C4orf33: variants seen among roughly 807,000 people sequenced by gnomAD.
The protein encoded by C4orf33 is chromosome 4 open reading frame 33.
Under a neutral mutation model 24.3 loss-of-function variants are expected in C4orf33, and 20 were observed. That is an observed-to-expected ratio of 0.82 (90% CI 0.58 to 1.19). C4orf33 has a LOEUF of 1.19. Among genes scored for constraint, C4orf33 ranks in the 50% most tolerant of loss-of-function variants. C4orf33 has a pLI of 0.00. For missense variants in C4orf33, 207 were observed against 225.9 expected, an observed-to-expected ratio of 0.92 and a Z score of 0.54; for synonymous variants, 67 against 76.4, an observed-to-expected ratio of 0.88 and a Z score of 0.64.
At chr4:129,099,370 G>A (rs1223256301) in intron 1 of C4orf33, among the ~76,000 whole-genome samples, 1 of 152,114 alleles carries the variant, frequency 6.6e-6, no homozygotes, top group Non-Finnish European at 1.5e-5. Context: ...AAACTAAATT[G>A]AAGGGAATTT....
chr4:129,106,661 G>GT lies in C4orf33; in HGVS notation c.242+20dup, dbSNP rs1390575083. On this transcript the variant is annotated intron_variant, in intron 3 of 5. Coordinates refer to ENST00000425929, the MANE Select transcript of C4orf33 (RefSeq NM_001099783.2). ...TGAACTTTGTCCGTAAGTATAAAAT[G>GT]TTTTTTCTTACTTATTACTACATAA... 1 of 1,366,436 alleles carries GT rather than the reference G, an allele frequency of 7.3e-7. No individual in the cohort carries two copies. The highest frequency in any genetic ancestry group is 2.0e-5 in the Admixed American group (1 of 51,144). The allele number at this position is 1,366,436 out of a possible 1,614,324, so 84.6% of individuals were successfully genotyped here.
chr4:129,097,408 C>T (rs1467364463), intron 1 of C4orf33, among the ~76,000 whole-genome samples: 2 of 152,242 alleles, frequency 1.3e-5, no homozygotes, highest in East Asian at 3.9e-4. Context: ...TAGTGTATGC[C>T]TCACAAGCAT....
In C4orf33 at chr4:129,109,477, A is replaced by C; in HGVS notation, c.299A>C (p.Glu100Ala). Reference sequence around the variant, plus strand: ...TTTCACATGTTGTTTCTGTAGCAAGAACTTCCTTTATCGTTCAGAATGTCC... The same window carrying C: ...TTTCACATGTTGTTTCTGTAGCAAGCACTTCCTTTATCGTTCAGAATGTCC... ...LSGRRNVWKQ[E>A]LPLSFRMSRG... The change falls in exon 5 of 6, where the codon GAA becomes GCA. Residue 100 changes from glutamate to alanine, a missense_variant. Transcript: ENST00000425929. 6.2e-7 allele frequency: 1 copy of C among 1,612,730 alleles called. No homozygotes were observed. Among genetic ancestry groups the C allele is most frequent in the African/African-American group, 1.3e-5 (1 of 75,034 alleles).
Position 129,102,758 on chromosome 4 carries a change from G to C in C4orf33, c.148G>C (p.Gly50Arg). 6.2e-7 allele frequency: 1 copy of C among 1,613,788 alleles called. No homozygotes were observed. Among genetic ancestry groups the C allele is most frequent in the Non-Finnish European group, 8.5e-7 (1 of 1,179,886 alleles). ...TCCTCCAGCCCCACTTGGAGAACCA[G>C]GAAAACCTTTCAATGAACTGTGGGA... ...RDPPAPLGEP[G>R]KPFNELWDYE... Residue 50 changes from glycine to arginine, a missense_variant, in exon 2 of 6, where the codon GGA (glycine) becomes CGA (arginine). Transcript: ENST00000425929.
chr4:129,095,320 C>T (rs1753167042), upstream of C4orf33, among the ~76,000 whole-genome samples: 1 of 152,152 alleles, frequency 6.6e-6, no homozygotes. Flanking sequence ...GTACTTACTT[C>T]ATGCTCCTTC....
chr4:129,116,083 T>C lies in C4orf33; in HGVS notation c.*4292T>C, dbSNP rs1753773397. 1 of 151,782 alleles carries C rather than the reference T, an allele frequency of 6.6e-6. No individual in the cohort carries two copies. Among genetic ancestry groups the C allele is most frequent in the Non-Finnish European group, 1.5e-5 (1 of 67,920 alleles). 9.4% of individuals were successfully genotyped at this position (151,782 alleles called of 1,614,324 possible). A position where few individuals can be genotyped will look rare whatever the true frequency, so the allele number is the denominator to read the frequency against. ...ACCTCTGAAGCTAAGATGACACATG[T>C]ATGAGGAATATAGGAAGCCAGAAAT... is the stretch of plus-strand genomic sequence containing the variant. On this transcript the variant is annotated 3_prime_UTR_variant, in exon 6 of 6. Coordinates refer to ENST00000425929, the MANE Select transcript of C4orf33 (RefSeq NM_001099783.2).
rs191980340 is a variant in C4orf33 at position 129,105,309 on chromosome 4, A to G, written c.182-1278A>G. On this transcript the variant is annotated intron_variant, in intron 2 of 5. Coordinates refer to ENST00000425929, the MANE Select transcript of C4orf33 (RefSeq NM_001099783.2). ...TATGAAGACCTTAAACTGATTGGAT[A>G]AGCCCCAGCCACATTATAGAGGGAA... 5.3e-5 allele frequency among the ~76,000 whole-genome samples: 8 copies of G among 152,298 alleles called. No homozygotes were observed. The East Asian group carries it at 1.5e-3, about 29-fold the overall frequency.
chr4:129,096,209 G>A lies in C4orf33; in HGVS notation c.-10G>A, dbSNP rs1375845498. On this transcript the variant is annotated splice_region_variant and 5_prime_UTR_variant, in exon 1 of 6. Coordinates refer to ENST00000425929, the MANE Select transcript of C4orf33 (RefSeq NM_001099783.2). ...AGCCAGTGTTTGAGAAAAGCTTCGT[G>A]GTCTGTGTTCTCTAGTTGTTCCCTC... 3 of 152,122 alleles carry A rather than the reference G, an allele frequency of 2.0e-5. No individual in the cohort carries two copies. The highest frequency in any genetic ancestry group is 4.8e-5 in the African/African-American group (2 of 41,420). The allele number at this position is 152,122 out of a possible 1,614,324, so 9.4% of individuals were successfully genotyped here.
At chr4:129,095,459 G>C (rs994630771), upstream of C4orf33, among the ~76,000 whole-genome samples, 41 of 152,158 alleles carry the variant, frequency 2.7e-4, no homozygotes, top group African/African-American at 9.7e-4. Flanking sequence ...GTATCTATTA[G>C]TATAAATTGA....
chr4:129,099,623 A>G (rs1427501378), intron 1 of C4orf33, among the ~76,000 whole-genome samples: 2 of 152,214 alleles, frequency 1.3e-5, no homozygotes, highest in African/African-American at 2.4e-5. Context: ...AAGAATAGAA[A>G]TAGAGCAGTG....
chr4:129,110,509 C>A (rs1192843980), intron 5 of C4orf33, among the ~76,000 whole-genome samples: 4 of 152,148 alleles, frequency 2.6e-5, no homozygotes, highest in African/African-American at 9.7e-5. Context: ...GCTGTGATTG[C>A]TGCTCTATAT....
chr4:129,101,542 C>T (rs916400511), intron 1 of C4orf33, among the ~76,000 whole-genome samples: 6 of 151,984 alleles, frequency 3.9e-5, no homozygotes, highest in Admixed American at 3.9e-4. Context: ...ATGTCTTCAT[C>T]TGGGAAAACA....
At chr4:129,111,240 C>T (rs1230189896) in intron 5 of C4orf33, among the ~76,000 whole-genome samples, 1 of 152,214 alleles carries the variant, frequency 6.6e-6, no homozygotes, top group African/African-American at 2.4e-5. Context: ...TACTCTTTTA[C>T]ATTAACCTCT....
At chr4:129,099,845 G>A (rs76153832) in intron 1 of C4orf33, among the ~76,000 whole-genome samples, 2,487 of 151,926 alleles carry the variant, frequency 0.016, 41 homozygotes, top group Middle Eastern at 0.031. Flanking sequence ...TGGGCAGGAC[G>A]GACTATACTT....
upstream of C4orf33, among the ~76,000 whole-genome samples, chr4:129,095,635 A>T (rs749465056): frequency 2.6e-5 from 4 of 152,220 alleles, no homozygotes; most frequent in African/African-American, 4.8e-5. Flanking sequence ...ATCAATTGAC[A>T]TTGAGCACCC....
At chr4:129,094,612 C>T (rs995400645), upstream of C4orf33, among the ~76,000 whole-genome samples, 7 of 152,204 alleles carry the variant, frequency 4.6e-5, no homozygotes, top group Admixed American at 3.3e-4. Flanking sequence ...TCAATACTCA[C>T]TGTTAATAGA....
chr4:129,110,556 G>A (rs370018424), intron 5 of C4orf33, among the ~76,000 whole-genome samples: 2 of 152,118 alleles, frequency 1.3e-5, no homozygotes, highest in Non-Finnish European at 2.9e-5. Context: ...AGGTAGTCTC[G>A]TGAGTCTGGG....
At chr4:129,096,825 C>T (rs1222408030) in intron 1 of C4orf33, among the ~76,000 whole-genome samples, 1 of 152,086 alleles carries the variant, frequency 6.6e-6, no homozygotes, top group Non-Finnish European at 1.5e-5. Context: ...TATGACTTTT[C>T]GGAAACGTTC....
Position 129,111,883 on chromosome 4 carries a change from C to T in C4orf33, c.*92C>T. 4.8e-6 allele frequency: 3 copies of T among 623,730 alleles called. No individual in the cohort carries two copies. In the South Asian group the frequency reaches 7.8e-5, roughly 16 times the overall value. 38.6% of individuals were successfully genotyped at this position (623,730 alleles called of 1,614,324 possible). Reference sequence around the variant, plus strand: ...TCAATTTTTTAAGATGTCATGCATACATTTCAACAACAAATATCTTCATAG... The same window carrying T: ...TCAATTTTTTAAGATGTCATGCATATATTTCAACAACAAATATCTTCATAG... On this transcript the variant is annotated 3_prime_UTR_variant, in exon 6 of 6. Transcript: ENST00000425929.
Sources: gnomAD v4.1 joint callset for allele counts (sites outside exome capture counted in the v4.1 genomes callset) on GRCh38, gnomAD v4.1.1 for gene constraint, MANE v1.5 for transcripts, NCBI Gene and HGNC (gene_info 2026-07-23, HGNC 2026-07-21) for gene names.